Variants in LRRK2 observed in about 807,000 individuals in gnomAD.
LRRK2 encodes the protein leucine-rich repeat serine/threonine-protein kinase 2.
Under a neutral mutation model 302.6 loss-of-function variants are expected in LRRK2, and 203 were observed. The observed-to-expected ratio is 0.67, with a 90% CI of 0.60 to 0.75. LRRK2 has a LOEUF of 0.75. LRRK2 is among the 30% of genes least tolerant of loss of function. The pLI is 0.00. For synonymous variants in LRRK2, 1,066 were observed against 1,031.9 expected, an observed-to-expected ratio of 1.03 and a Z score of -0.63; for missense variants, 2,830 against 2,951.0, an observed-to-expected ratio of 0.96 and a Z score of 0.95.
chr12:40,262,903 C>G (rs928821321), intron 13 of LRRK2, among the ~76,000 whole-genome samples: 1 of 152,272 alleles, frequency 6.6e-6, no homozygotes, highest in South Asian at 2.1e-4. Flanking sequence ...ATGTCAGAAC[C>G]TCTTTGAGTA....
chr12:40,232,195 T>C, intron 2 of LRRK2, 79 bp from the exon 3 acceptor site: 2 of 987,720 alleles, frequency 2.0e-6, no homozygotes, highest in Non-Finnish European at 3.3e-6. Context: ...CCACTAAGAT[T>C]GAAGAGATTC....
chr12:40,282,050 CT>C (rs758010964), intron 18 of LRRK2, among the ~76,000 whole-genome samples: 1,911 of 34,182 alleles, frequency 0.056, 114 homozygotes, highest in Non-Finnish European at 0.076. Flanking sequence ...CTTCCCTTCC[CT>C]TCCCTTCCCT....
chr12:40,277,366 A>C (rs1231373890), intron 16 of LRRK2, among the ~76,000 whole-genome samples: 2 of 152,142 alleles, frequency 1.3e-5, no homozygotes, highest in African/African-American at 2.4e-5. Context: ...GCGCTTCTCA[A>C]CTACACTCAA....
In LRRK2 at chr12:40,249,954, C is replaced by A. The variant is rs981884777; in HGVS notation, c.958+9C>A. ...CTGTTTGGCCCTCCTCAGTAAGTAA[C>A]TTCACTAAAAAGGGGATTCTTACAG... On this transcript the variant is annotated intron_variant, in intron 8 of 50. Coordinates refer to ENST00000298910, the MANE Select transcript of LRRK2 (RefSeq NM_198578.4). 3.7e-6 allele frequency: 6 copies of A among 1,613,344 alleles called. No homozygotes were observed. Among genetic ancestry groups the A allele is most frequent in the South Asian group, 1.1e-5 (1 of 91,032 alleles).
At chr12:40,354,560 T>G (rs1946467422) in intron 45 of LRRK2, 68 bp downstream of exon 45, 3 of 1,344,596 alleles carry the variant, frequency 2.2e-6, no homozygotes, top group Non-Finnish European at 3.2e-6. Flanking sequence ...TGTGCATAAT[T>G]GTTATTGCAT....
At chr12:40,247,408 C>G (rs1222552438) in intron 7 of LRRK2, among the ~76,000 whole-genome samples, 1 of 134,892 alleles carries the variant, frequency 7.4e-6, no homozygotes, top group Non-Finnish European at 1.6e-5. Context: ...TATATATACT[C>G]ACATACTTCA....
In LRRK2 at chr12:40,249,722, A is replaced by C. The variant is rs1230678481; in HGVS notation, c.839-104A>C. On this transcript the variant is annotated intron_variant, in intron 7 of 50. Coordinates refer to ENST00000298910, the MANE Select transcript of LRRK2 (RefSeq NM_198578.4). ...AAAGTAAATGTTTTAATGCCATTGA[A>C]TATTCATCACCATTCAAAATTATTG... is the stretch of plus-strand genomic sequence containing the variant. The C allele has an allele frequency of 3.4e-5, 45 of 1,313,964 alleles. No individual in the cohort carries two copies. The Admixed American group carries it at 3.6e-4, about 11-fold the overall frequency. 81.4% of individuals were successfully genotyped at this position (1,313,964 alleles called of 1,614,324 possible). A position where few individuals can be genotyped will look rare whatever the true frequency, so the allele number is the denominator to read the frequency against.
chr12:40,339,333 A>G (rs1448048915), intron 40 of LRRK2, among the ~76,000 whole-genome samples: 1 of 152,238 alleles, frequency 6.6e-6, no homozygotes, highest in African/African-American at 2.4e-5. Context: ...ATTTGACATC[A>G]TGGGGCAGAG....
chr12:40,294,132 C>CATCT (rs72446556), intron 21 of LRRK2, among the ~76,000 whole-genome samples: 9,205 of 149,120 alleles, frequency 0.062, 302 homozygotes, highest in African/African-American at 0.074. Context: ...ATCTATCTAT[C>CATCT]ATCTATCTAT....
intron 6 of LRRK2, 67 bp downstream of exon 6, chr12:40,240,684 A>G: frequency 1.4e-6 from 2 of 1,414,402 alleles, no homozygotes; most frequent in Middle Eastern, 2.2e-4. Flanking sequence ...CATTCTGAGT[A>G]TATTTTAACA....
At chr12:40,302,398 G>C (rs902265766) in intron 25 of LRRK2, among the ~76,000 whole-genome samples, 1 of 151,828 alleles carries the variant, frequency 6.6e-6, no homozygotes, top group Non-Finnish European at 1.5e-5. Context: ...ATAATATACT[G>C]TATTTTAGTA....
chr12:40,239,916 G>A (rs1037447714), intron 5 of LRRK2, among the ~76,000 whole-genome samples: 1 of 152,114 alleles, frequency 6.6e-6, no homozygotes, highest in Non-Finnish European at 1.5e-5. Flanking sequence ...CAATAACAAT[G>A]ACTCCAAATG....
chr12:40,256,231 G>A (rs928705067), intron 11 of LRRK2, among the ~76,000 whole-genome samples: 10 of 152,196 alleles, frequency 6.6e-5, no homozygotes, highest in African/African-American at 2.4e-4. Context: ...AGGATTGCTT[G>A]AGCTCAGGAG....
Position 40,340,347 on chromosome 12 carries a change from T to C in LRRK2, c.6002T>C (p.Leu2001Pro). 1.9e-6 allele frequency: 3 copies of C among 1,613,858 alleles called. No individual in the cohort carries two copies. Among genetic ancestry groups the C allele is most frequent in the Non-Finnish European group, 1.7e-6 (2 of 1,179,776 alleles). Residue 2001 changes from leucine (L) to proline (P), a missense_variant, in exon 41 of 51, where the codon CTG becomes CCG. Around this residue, in one of 3 missense-constraint regions of LRRK2, gnomAD observed 253 missense variants for 346.7 expected, o/e 0.73. Coordinates refer to ENST00000298910, the MANE Select transcript of LRRK2 (RefSeq NM_198578.4). ...IYRDLKPHNV[L>P]LFTLYPNAAI... ...CGAGACCTGAAACCCCACAATGTGCTGCTTTTCACACTGTATCCCAATGCT... is the reference window on the plus strand; with the variant it reads ...CGAGACCTGAAACCCCACAATGTGCCGCTTTTCACACTGTATCCCAATGCT...
intron 23 of LRRK2, 59 bp downstream of exon 23, chr12:40,295,703 C>A: frequency 6.7e-7 from 1 of 1,488,776 alleles, no homozygotes; most frequent in Non-Finnish European, 9.3e-7. Context: ...GTATTTATAT[C>A]TAATTTGCAT....
intron 45 of LRRK2, among the ~76,000 whole-genome samples, chr12:40,355,568 G>T (rs1946509412): frequency 2.6e-5 from 2 of 76,056 alleles, no homozygotes; most frequent in African/African-American, 9.2e-5. Context: ...TTTTGAAGGA[G>T]TTTTGCTCTT....
chr12:40,352,073 G>A (rs1429299931), intron 44 of LRRK2, among the ~76,000 whole-genome samples: 1 of 152,174 alleles, frequency 6.6e-6, no homozygotes, highest in Non-Finnish European at 1.5e-5. Context: ...TGCCCACAAG[G>A]AGCTCTGGAA....
rs1204504921 is a variant in LRRK2 at position 40,257,325 on chromosome 12, C to T, written c.1366C>T (p.Pro456Ser). 2 of 1,611,498 alleles carry T rather than the reference C, an allele frequency of 1.2e-6. No individual in the cohort carries two copies. The highest frequency in any genetic ancestry group is 1.7e-6 in the Non-Finnish European group (2 of 1,177,964). The change falls in exon 12 of 51, where the codon CCT becomes TCT. Residue 456 changes from proline to serine, a missense_variant. By Grantham distance (74) the Pro-to-Ser change is moderately conservative. Around this residue, in one of 3 missense-constraint regions of LRRK2, gnomAD observed 2,121 missense variants for 2,148.0 expected, o/e 0.99. Transcript: ENST00000298910. ...GTTAATGCAGAAGCATATACATTCTCCTGAAGTGGCTGAAAGTGGCTGTAA... is the reference window on the plus strand; with the variant it reads ...GTTAATGCAGAAGCATATACATTCTTCTGAAGTGGCTGAAAGTGGCTGTAA... ...LELMQKHIHS[P>S]EVAESGCKML...
intron 39 of LRRK2, among the ~76,000 whole-genome samples, chr12:40,329,645 T>C (rs968796212): frequency 2.6e-5 from 4 of 152,170 alleles, no homozygotes; most frequent in Non-Finnish European, 4.4e-5. Context: ...ATTCCAAATA[T>C]CAAAGTCAAA....
Sources: gnomAD v4.1 joint callset for allele counts (sites outside exome capture counted in the v4.1 genomes callset) on GRCh38, gnomAD v4.1.1 for gene constraint, gnomAD v4.1.1 regional missense constraint, MANE v1.5 for transcripts, NCBI Gene and HGNC (gene_info 2026-07-23, HGNC 2026-07-21) for gene names.